MAGI2: variants seen among roughly 807,000 people sequenced by gnomAD.
The protein encoded by MAGI2 is membrane-associated guanylate kinase, WW and PDZ domain-containing protein 2.
In MAGI2, 35 loss-of-function variants were observed where a neutral mutation model predicts 133.3. The observed-to-expected ratio is 0.26, with a 90% CI of 0.20 to 0.35. MAGI2 has a LOEUF of 0.35. Ranked by LOEUF, MAGI2 falls within the 10% of genes least tolerant of loss-of-function variation. The pLI, the probability that MAGI2 is intolerant of heterozygous loss-of-function variation, is 1.00. For synonymous variants in MAGI2, 729 were observed against 710.6 expected (o/e 1.03, Z -0.41); for missense variants, 1,636 against 1,863.4 (o/e 0.88, Z 2.25).
intron 3 of MAGI2, among the ~76,000 whole-genome samples, chr7:78,599,210 A>G (rs979019157): frequency 7.9e-5 from 12 of 152,104 alleles, no homozygotes; most frequent in African/African-American, 2.9e-4. Context: ...CACACACACA[A>G]TCTTATTTCC....
chr7:79,171,943 C>G (rs1825667349), intron 1 of MAGI2, among the ~76,000 whole-genome samples: 1 of 151,216 alleles, frequency 6.6e-6, no homozygotes, highest in Non-Finnish European at 1.5e-5. Flanking sequence ...GCCCTGTGAT[C>G]TCCTTATACT....
At chr7:79,131,696 A>G (rs1221083502) in intron 1 of MAGI2, among the ~76,000 whole-genome samples, 1 of 152,200 alleles carries the variant, frequency 6.6e-6, no homozygotes, top group Non-Finnish European at 1.5e-5. Context: ...CAGGACTAAG[A>G]AAAAACTACT....
At chr7:79,304,203 C>CTGTGTGTGTGTG (rs1184824177) in intron 1 of MAGI2, among the ~76,000 whole-genome samples, 9,936 of 135,338 alleles carry the variant, frequency 0.073, 521 homozygotes, top group Non-Finnish European at 0.088. Context: ...GTGTGTGTGT[C>CTGTGTGTGTGTG]TGTGTGTGTG....
At chr7:78,080,664 C>T (rs111375547) in intron 20 of MAGI2, among the ~76,000 whole-genome samples, 32 of 152,338 alleles carry the variant, frequency 2.1e-4, no homozygotes, top group African/African-American at 7.0e-4. Flanking sequence ...CAGACTCACA[C>T]GTCCAGCTGA....
chr7:78,448,223 T>C (rs1788352945), intron 6 of MAGI2, among the ~76,000 whole-genome samples: 1 of 152,016 alleles, frequency 6.6e-6, no homozygotes, highest in Non-Finnish European at 1.5e-5. Context: ...CTGTGAAGAG[T>C]GCTGCAGCGA....
At chr7:79,286,565 T>A (rs1028720212) in intron 1 of MAGI2, among the ~76,000 whole-genome samples, 1 of 147,844 alleles carries the variant, frequency 6.8e-6, no homozygotes, top group African/African-American at 2.5e-5. Flanking sequence ...TCTAGTGATA[T>A]TCATGTAATA....
chr7:78,603,539 T>C (rs1344842391), intron 3 of MAGI2, among the ~76,000 whole-genome samples: 1 of 152,162 alleles, frequency 6.6e-6, no homozygotes, highest in Non-Finnish European at 1.5e-5. Context: ...TCTATTTTCT[T>C]TTGAGATGGA....
chr7:78,995,786 C>G (rs1806229205), intron 2 of MAGI2, among the ~76,000 whole-genome samples: 1 of 152,112 alleles, frequency 6.6e-6, no homozygotes, highest in Non-Finnish European at 1.5e-5. Flanking sequence ...ATGGTTCTGA[C>G]TTTCCAGAGC....
At chr7:78,888,771 G>C (rs1202965465) in intron 2 of MAGI2, among the ~76,000 whole-genome samples, 2 of 152,086 alleles carry the variant, frequency 1.3e-5, no homozygotes, top group African/African-American at 4.8e-5. Context: ...AAACCACAAA[G>C]ATGGGGAAAA....
chr7:78,823,175 G>A (rs1790274679), intron 2 of MAGI2, among the ~76,000 whole-genome samples: 1 of 152,164 alleles, frequency 6.6e-6, no homozygotes, highest in South Asian at 2.1e-4. Context: ...AGATAAGTTC[G>A]TAGTAGGTAG....
At chr7:78,950,125 A>C (rs1801748620) in intron 2 of MAGI2, among the ~76,000 whole-genome samples, 2 of 151,960 alleles carry the variant, frequency 1.3e-5, no homozygotes, top group Admixed American at 1.3e-4. Context: ...GGGGTTAGAC[A>C]TGCATTTCAG....
At chr7:78,269,823 G>C (rs1011082881) in intron 9 of MAGI2, among the ~76,000 whole-genome samples, 10 of 152,140 alleles carry the variant, frequency 6.6e-5, no homozygotes, top group African/African-American at 2.4e-4. Flanking sequence ...TGGTGTTTTA[G>C]TCATAAAGTC....
chr7:78,873,118 A>G (rs546921251), intron 2 of MAGI2, among the ~76,000 whole-genome samples: 2 of 152,316 alleles, frequency 1.3e-5, no homozygotes, highest in East Asian at 1.9e-4. Context: ...TGAAAGACTA[A>G]GACTGTAAAT....
chr7:79,320,372 T>C (rs533644156), intron 1 of MAGI2, among the ~76,000 whole-genome samples: 5 of 152,266 alleles, frequency 3.3e-5, no homozygotes, highest in Non-Finnish European at 7.4e-5. Flanking sequence ...TTAATCTAAT[T>C]TTCTACAACC....
intron 1 of MAGI2, among the ~76,000 whole-genome samples, chr7:79,168,110 T>C (rs1160444898): frequency 6.6e-6 from 1 of 152,122 alleles, no homozygotes; most frequent in Non-Finnish European, 1.5e-5. Flanking sequence ...ACAATGCTAA[T>C]GACTGGCTTG....
chr7:79,235,648 C>T lies in MAGI2; in HGVS notation c.301+217372G>A, dbSNP rs566808025. ...AGTGAGGCAATGCCTTGCCCTGCTTCGGCTCGCGCACGGTGCGCGCACCCA... is the reference window on the plus strand; with the variant it reads ...AGTGAGGCAATGCCTTGCCCTGCTTTGGCTCGCGCACGGTGCGCGCACCCA... On this transcript the variant is annotated intron_variant, in intron 1 of 21. Coordinates refer to ENST00000354212, the MANE Select transcript of MAGI2 (RefSeq NM_012301.4). 4.7e-4 allele frequency among the ~76,000 whole-genome samples: 71 copies of T among 152,290 alleles called. 3 individuals are homozygous for T. In the South Asian group the frequency reaches 0.014, roughly 29 times the overall value.
intron 3 of MAGI2, among the ~76,000 whole-genome samples, chr7:78,544,552 T>C (rs942668576): frequency 2.0e-5 from 3 of 152,280 alleles, no homozygotes; most frequent in African/African-American, 7.2e-5. Context: ...TAGTGGGAAA[T>C]GCTTAGAGAA....
At chr7:78,109,801 G>A (rs1819175681) in intron 20 of MAGI2, among the ~76,000 whole-genome samples, 1 of 152,304 alleles carries the variant, frequency 6.6e-6, no homozygotes, top group Middle Eastern at 3.4e-3. Flanking sequence ...TGAGGCTAGT[G>A]GGACCCATCT....
intron 1 of MAGI2, among the ~76,000 whole-genome samples, chr7:79,388,507 T>C (rs1563177664): frequency 6.6e-6 from 1 of 151,960 alleles, no homozygotes; most frequent in Non-Finnish European, 1.5e-5. Flanking sequence ...GAGGCTTACA[T>C]GGACATTGAA....
Sources: allele counts gnomAD v4.1 joint callset (sites outside exome capture counted in the v4.1 genomes callset), GRCh38; gene constraint gnomAD v4.1.1; transcripts MANE v1.5; gene names NCBI Gene and HGNC (gene_info 2026-07-23, HGNC 2026-07-21).